The following TDRD9 variants were observed in gnomAD, a reference collection of about 807,000 sequenced individuals.
TDRD9 encodes the protein ATP-dependent RNA helicase TDRD9.
In TDRD9, 124 loss-of-function variants were observed where a neutral mutation model predicts 172.6. That is an observed-to-expected ratio of 0.72 (90% CI 0.62 to 0.83). The LOEUF is 0.83. Among genes scored for constraint, TDRD9 ranks in the 40% least tolerant of loss-of-function variants. The probability of loss-of-function intolerance (pLI) is 0.00; values close to 1 mark genes in which losing one functional copy is unlikely to be tolerated. For synonymous variants in TDRD9, 619 were observed against 617.1 expected, an observed-to-expected ratio of 1.00 and a Z score of -0.05; for missense variants, 1,479 against 1,714.1, an observed-to-expected ratio of 0.86 and a Z score of 2.42.
At chr14:104,010,758 AC>A (rs750599191) in intron 20 of TDRD9, among the ~76,000 whole-genome samples, 51 of 152,298 alleles carry the variant, frequency 3.3e-4, no homozygotes, top group South Asian at 8.3e-4. Flanking sequence ...ACCCCTGTAT[AC>A]CAAAATTCAC....
intron 18 of TDRD9, 139 bp downstream of exon 18, chr14:104,006,984 A>G: frequency 1.0e-6 from 1 of 984,946 alleles, no homozygotes; most frequent in Non-Finnish European, 1.5e-6. Flanking sequence ...GTCCAGTGTT[A>G]AATTAACCGT....
intron 32 of TDRD9, among the ~76,000 whole-genome samples, chr14:104,039,643 C>T (rs1400503598): frequency 6.6e-6 from 1 of 152,160 alleles, no homozygotes; most frequent in Non-Finnish European, 1.5e-5. Flanking sequence ...TTGGCCGCAG[C>T]CATGGAGAGG....
At position 104,004,247 on chromosome 14, in the gene TDRD9, G is replaced by A; in HGVS notation, c.1493G>A (p.Gly498Glu). Reference sequence around the variant, plus strand: ...CATCTCTCCTTTGAAGGCCGTGCTGGACGAGTGTCTAGAGGGTACTGTTAC... The same window carrying A: ...CATCTCTCCTTTGAAGGCCGTGCTGAACGAGTGTCTAGAGGGTACTGTTAC... The part of the protein sequence containing the change: ...TSCNQRKGRA[G>E]RVSRGYCYRL... The change falls in exon 14 of 36, where the codon GGA becomes GAA. Residue 498 changes from glycine to glutamate, a missense_variant. This residue lies in a region of TDRD9 where 1,413 missense variants were observed against 1,649.1 expected (regional missense o/e 0.86). Transcript: ENST00000409874. 1 of 1,581,056 alleles carries A rather than the reference G, an allele frequency of 6.3e-7. No individual in the cohort carries two copies. Among genetic ancestry groups the A allele is most frequent in the South Asian group, 1.2e-5 (1 of 86,720 alleles).
In TDRD9 at chr14:103,955,649, T is replaced by A. The variant is rs764875479; in HGVS notation, c.216-15T>A. 6 of 1,545,206 alleles carry A rather than the reference T, an allele frequency of 3.9e-6. No homozygotes were observed. The South Asian group carries it at 7.2e-5, about 19-fold the overall frequency. On this transcript the variant is annotated splice_polypyrimidine_tract_variant and intron_variant, in intron 1 of 35. Coordinates refer to ENST00000409874, the MANE Select transcript of TDRD9 (RefSeq NM_153046.3). ...TTTTTGGAAATAGTATACTAACTTT[T>A]ACTATTCTTTTCAGGTCACTCAGCC...
chr14:103,933,221 G>T (rs2152114139), intron 1 of TDRD9, among the ~76,000 whole-genome samples: 1 of 152,266 alleles, frequency 6.6e-6, no homozygotes, highest in Non-Finnish European at 1.5e-5. Context: ...AACCTCAGTG[G>T]CTGTGATATA....
chr14:104,049,692 G>A lies in TDRD9; in HGVS notation c.4047+12G>A, dbSNP rs199531278. The A allele has an allele frequency of 5.8e-4, 904 of 1,569,574 alleles. 8 individuals are homozygous for A. The highest frequency in any genetic ancestry group is 1.2e-4 in the Non-Finnish European group (143 of 1,157,512). On this transcript the variant is annotated intron_variant, in intron 35 of 35. Coordinates refer to ENST00000409874, the MANE Select transcript of TDRD9 (RefSeq NM_153046.3). ...ACGAGTGGAATCAGGTGAGTGGGAC[G>A]CAGGCTGCTACATGAGCAGAGGCCA... is the stretch of plus-strand genomic sequence containing the variant.
intron 34 of TDRD9, among the ~76,000 whole-genome samples, chr14:104,047,103 A>G (rs559349221): frequency 1.4e-4 from 21 of 152,326 alleles, no homozygotes; most frequent in African/African-American, 4.8e-4. Context: ...CCATCCTAAC[A>G]GTAGTGAGCC....
rs1375414353 is a variant in TDRD9, at chr14:104,049,353, A to G, written c.3975-255A>G. 5 of 261,688 alleles carry G rather than the reference A, an allele frequency of 1.9e-5. No homozygotes were observed. In the South Asian group the frequency reaches 2.0e-4, roughly 11 times the overall value. 16.2% of individuals were successfully genotyped at this position (261,688 alleles called of 1,614,324 possible). On this transcript the variant is annotated intron_variant, in intron 34 of 35. Transcript: ENST00000409874. ...AACTTGACTCATTCATGTGGTGTGC[A>G]GTGCTGGTTGCTAAGGGAACATAGA...
At chr14:104,017,996 A>C (rs2034841960) in intron 22 of TDRD9, 96 bp from the exon 23 acceptor site, 1 of 714,000 alleles carries the variant, frequency 1.4e-6, no homozygotes, top group African/African-American at 1.8e-5. Context: ...ATGTTTTTAG[A>C]AACTAAAACA....
At chr14:103,962,965 A>AGTGT (rs55873775) in intron 2 of TDRD9, 114 bp from the exon 3 acceptor site, 141,328 of 401,402 alleles carry the variant, frequency 0.35, 14,553 homozygotes, top group Middle Eastern at 0.39. Flanking sequence ...TTTGTATTTG[A>AGTGT]GTGTGTGTGT....
chr14:104,009,628 T>C (rs886725172), intron 20 of TDRD9, among the ~76,000 whole-genome samples: 17 of 152,228 alleles, frequency 1.1e-4, no homozygotes, highest in Admixed American at 7.9e-4. Flanking sequence ...AATATAACTT[T>C]TTTTAACTTG....
At chr14:103,958,521 G>A (rs761692894) in intron 2 of TDRD9, among the ~76,000 whole-genome samples, 5 of 152,192 alleles carry the variant, frequency 3.3e-5, no homozygotes, top group Non-Finnish European at 5.9e-5. Context: ...TGCAAATTAA[G>A]GATCTTGAGA....
rs984925602 is a variant in TDRD9, at chr14:104,049,540, A to G, written c.3975-68A>G. The G allele has an allele frequency of 2.3e-6, 3 of 1,316,040 alleles. No individual in the cohort carries two copies. The African/African-American group carries it at 4.5e-5, about 20-fold the overall frequency. The allele number at this position is 1,316,040 out of a possible 1,614,324, so 81.5% of individuals were successfully genotyped here. Reference sequence around the variant, plus strand: ...GAAGCATATAGGATTTAAATCTTTAAAAAAATCACAGCAGTGTTTTCAGTT... The same window carrying G: ...GAAGCATATAGGATTTAAATCTTTAGAAAAATCACAGCAGTGTTTTCAGTT... On this transcript the variant is annotated intron_variant, in intron 34 of 35. Transcript: ENST00000409874.
intron 23 of TDRD9, among the ~76,000 whole-genome samples, chr14:104,021,236 G>A (rs1312428727): frequency 6.6e-6 from 1 of 152,172 alleles, no homozygotes; most frequent in African/African-American, 2.4e-5. Context: ...CACAAGAACA[G>A]CAAGGGGGAA....
chr14:103,988,913 T>G (rs1431183375), intron 8 of TDRD9, among the ~76,000 whole-genome samples: 1 of 152,180 alleles, frequency 6.6e-6, no homozygotes, highest in African/African-American at 2.4e-5. Flanking sequence ...AGGCAAAATA[T>G]GTATTTACAG....
intron 2 of TDRD9, among the ~76,000 whole-genome samples, chr14:103,958,687 G>T (rs1369234786): frequency 5.9e-5 from 9 of 152,198 alleles, no homozygotes; most frequent in Non-Finnish European, 1.0e-4. Flanking sequence ...CTCCATGGCT[G>T]ATAAGGCAAG....
At chr14:104,031,331 TGTA>T in intron 29 of TDRD9, 68 bp downstream of exon 29, 1 of 1,393,462 alleles carries the variant, frequency 7.2e-7, no homozygotes, top group Non-Finnish European at 9.7e-7. Context: ...TGCTAGGAGT[TGTA>T]GTCAGTAGTC....
At chr14:104,011,358 G>A (rs953209003) in intron 20 of TDRD9, among the ~76,000 whole-genome samples, 5 of 152,074 alleles carry the variant, frequency 3.3e-5, no homozygotes, top group African/African-American at 7.2e-5. Flanking sequence ...GCATGTGTGC[G>A]CACATGCATG....
chr14:104,027,495 C>G (rs942682195), intron 28 of TDRD9, among the ~76,000 whole-genome samples: 5 of 152,160 alleles, frequency 3.3e-5, no homozygotes, highest in African/African-American at 1.2e-4. Flanking sequence ...CTTCTTTCAA[C>G]TGTTTCTTTG....
Sources: gnomAD v4.1 joint callset for allele counts (sites outside exome capture counted in the v4.1 genomes callset) on GRCh38, gnomAD v4.1.1 for gene constraint, gnomAD v4.1.1 regional missense constraint, MANE v1.5 for transcripts, NCBI Gene and HGNC (gene_info 2026-07-23, HGNC 2026-07-21) for gene names.